Variants in RBMS3 observed in about 807,000 individuals in gnomAD.
The protein encoded by RBMS3 is RNA binding motif single stranded interacting protein 3.
In RBMS3, 27 loss-of-function variants were observed where a neutral mutation model predicts 66.8. The ratio of observed to expected loss-of-function variants is 0.40; its 90% CI spans 0.30 to 0.56. The LOEUF (loss-of-function observed/expected upper bound fraction) is 0.56. RBMS3 is among the 20% of genes least tolerant of loss of function. RBMS3 has a pLI of 0.40. For synonymous variants in RBMS3, 188 were observed against 183.0 expected (o/e 1.03, Z -0.22); for missense variants, 513 against 549.5 (o/e 0.93, Z 0.66).
chr3:29,735,860 C>A (rs1253602297), intron 4 of RBMS3, among the ~76,000 whole-genome samples: 1 of 152,168 alleles, frequency 6.6e-6, no homozygotes, highest in East Asian at 1.9e-4. Flanking sequence ...CCACTAGCTT[C>A]TGCTTTTTTC....
intron 5 of RBMS3, among the ~76,000 whole-genome samples, chr3:29,756,565 G>GA (rs557312485): frequency 1.3e-5 from 2 of 151,510 alleles, no homozygotes; most frequent in Admixed American, 1.3e-4. Context: ...GAACAGCACA[G>GA]AAAAAAAACC....
intron 2 of RBMS3, among the ~76,000 whole-genome samples, chr3:29,472,709 T>C (rs922861476): frequency 5.3e-5 from 8 of 151,136 alleles, no homozygotes; most frequent in African/African-American, 1.9e-4. Context: ...AGTGGGTTCG[T>C]GGTCTCGCTG....
intron 1 of RBMS3, among the ~76,000 whole-genome samples, chr3:29,298,169 A>G (rs569527207): frequency 1.3e-5 from 2 of 151,908 alleles, no homozygotes; most frequent in Non-Finnish European, 2.9e-5. Context: ...GTGTTTAATA[A>G]GTGTCAATTG....
intron 4 of RBMS3, among the ~76,000 whole-genome samples, chr3:29,717,035 G>A (rs938414437): frequency 2.0e-5 from 3 of 151,910 alleles, no homozygotes; most frequent in Non-Finnish European, 4.4e-5. Context: ...GCGGAAGTCT[G>A]GTATCCTTTA....
chr3:29,415,278 C>T (rs887793002), intron 1 of RBMS3, among the ~76,000 whole-genome samples: 4 of 152,094 alleles, frequency 2.6e-5, no homozygotes, highest in African/African-American at 7.2e-5. Flanking sequence ...GGTACTCAGG[C>T]GTGCATCAGG....
chr3:29,487,795 A>G (rs1321630744), intron 2 of RBMS3, among the ~76,000 whole-genome samples: 2 of 152,132 alleles, frequency 1.3e-5, no homozygotes, highest in African/African-American at 4.8e-5. Flanking sequence ...AAATGTATTT[A>G]TATTATTATA....
chr3:29,576,255 A>C (rs2047115984), intron 3 of RBMS3, among the ~76,000 whole-genome samples: 1 of 152,112 alleles, frequency 6.6e-6, no homozygotes, highest in Non-Finnish European at 1.5e-5. Flanking sequence ...TAAGATCTGG[A>C]AGAATTCTCT....
Position 29,577,681 on chromosome 3 carries a change from T to C in RBMS3, c.308-9433T>C, listed in dbSNP as rs186973878. ...GGCTGAGCCCAGTATAGCTTTGCTC[T>C]CCACTGTGGCAGGGCAGCACTGAGT... is the stretch of plus-strand genomic sequence containing the variant. On this transcript the variant is annotated intron_variant, in intron 3 of 14. Transcript: ENST00000383767. Among the ~76,000 whole-genome samples the C allele has an allele frequency of 5.3e-5, 8 of 152,318 alleles. No individual in the cohort carries two copies. In the East Asian group the frequency reaches 1.4e-3, roughly 26 times the overall value.
intron 3 of RBMS3, among the ~76,000 whole-genome samples, chr3:29,543,975 A>T (rs1474975628): frequency 6.6e-6 from 1 of 152,138 alleles, no homozygotes; most frequent in Non-Finnish European, 1.5e-5. Flanking sequence ...ACTGTTCATC[A>T]TCCTATTGAT....
chr3:29,898,880 T>C (rs967482726), intron 9 of RBMS3, among the ~76,000 whole-genome samples: 3 of 151,628 alleles, frequency 2.0e-5, no homozygotes, highest in Admixed American at 1.3e-4. Flanking sequence ...GTGATTTTAC[T>C]TGGGAGGGCT....
At chr3:29,820,071 T>C (rs1170179986) in intron 6 of RBMS3, among the ~76,000 whole-genome samples, 1 of 151,446 alleles carries the variant, frequency 6.6e-6, no homozygotes, top group Non-Finnish European at 1.5e-5. Flanking sequence ...GGTGCATGCC[T>C]GTAGTCCCAG....
intron 3 of RBMS3, among the ~76,000 whole-genome samples, chr3:29,539,919 A>C (rs1271577551): frequency 2.0e-5 from 3 of 152,256 alleles, no homozygotes; most frequent in Non-Finnish European, 4.4e-5. Flanking sequence ...GAAGGAAATC[A>C]TCTTTTTCTT....
chr3:29,941,461 GA>G (rs2061391631), intron 11 of RBMS3, among the ~76,000 whole-genome samples: 2 of 151,564 alleles, frequency 1.3e-5, no homozygotes, highest in South Asian at 4.2e-4. Context: ...AGTTTTTTAG[GA>G]AAAAATATTA....
intron 3 of RBMS3, among the ~76,000 whole-genome samples, chr3:29,571,762 T>C (rs1320888331): frequency 6.6e-6 from 1 of 152,146 alleles, no homozygotes; most frequent in African/African-American, 2.4e-5. Context: ...TTCAGGGTCT[T>C]TGTGATTCTG....
intron 3 of RBMS3, among the ~76,000 whole-genome samples, chr3:29,564,717 C>T (rs188128019): frequency 3.4e-4 from 52 of 152,092 alleles, no homozygotes; most frequent in African/African-American, 1.2e-3. Context: ...TTTACACTAC[C>T]TTGCAGAAAC....
chr3:29,467,599 T>C (rs1837202), intron 2 of RBMS3, among the ~76,000 whole-genome samples: 47,817 of 151,996 alleles, frequency 0.31, 7,716 homozygotes, highest in East Asian at 0.46. Context: ...ACACTTTGAA[T>C]ACCAAATGTG....
At chr3:29,634,838 T>C (rs1028534985) in intron 4 of RBMS3, among the ~76,000 whole-genome samples, 4 of 151,860 alleles carry the variant, frequency 2.6e-5, no homozygotes, top group Non-Finnish European at 4.4e-5. Flanking sequence ...TCCTTCTCCA[T>C]GTTTAGCATT....
chr3:29,802,861 A>T (rs566677929), intron 6 of RBMS3, among the ~76,000 whole-genome samples: 275 of 152,282 alleles, frequency 1.8e-3, no homozygotes, highest in African/African-American at 6.0e-3. Flanking sequence ...GTGTATATTC[A>T]TACATTTTAT....
In RBMS3 at chr3:29,498,110, T is replaced by C. The variant is rs186899239; in HGVS notation, c.307+9611T>C. Among the ~76,000 whole-genome samples, 770 of 144,640 alleles carry C rather than the reference T, an allele frequency of 5.3e-3. 7 individuals carry two copies. Among genetic ancestry groups the C allele is most frequent in the African/African-American group, 0.019 (737 of 39,178 alleles). 94.9% of individuals were successfully genotyped at this position (144,640 alleles called of 152,430 possible). A position where few individuals can be genotyped will look rare whatever the true frequency, so the allele number is the denominator to read the frequency against. ...CCCGGGTTCAAACGATTCTCCTGCC[T>C]CAGCCTCCCAAGTAGCTGGGATTAC... On this transcript the variant is annotated intron_variant, in intron 3 of 14. Transcript: ENST00000383767.
Sources: gnomAD v4.1 joint callset for allele counts (sites outside exome capture counted in the v4.1 genomes callset) on GRCh38, gnomAD v4.1.1 for gene constraint, MANE v1.5 for transcripts, NCBI Gene and HGNC (gene_info 2026-07-23, HGNC 2026-07-21) for gene names.